Variants in COL4A1 observed in about 807,000 individuals in gnomAD.
COL4A1 encodes collagen type IV alpha 1 chain, also known as collagen alpha-1(IV) chain.
In COL4A1, 40 loss-of-function variants were observed where a neutral mutation model predicts 216.6. The observed-to-expected ratio is 0.18, with a 90% CI of 0.14 to 0.24. COL4A1 has a LOEUF of 0.24. Among genes scored for constraint, COL4A1 ranks in the 10% least tolerant of loss-of-function variants. The pLI is 1.00. For synonymous variants in COL4A1, 839 were observed against 810.7 expected, an observed-to-expected ratio of 1.03 and a Z score of -0.59; for missense variants, 1,628 against 2,196.8, an observed-to-expected ratio of 0.74 and a Z score of 5.18.
chr13:110,224,075 C>A (rs1239915173), intron 2 of COL4A1, among the ~76,000 whole-genome samples: 1 of 152,176 alleles, frequency 6.6e-6, no homozygotes, highest in African/African-American at 2.4e-5. Context: ...TAAATGAATG[C>A]TTCCAACTTG....
intron 2 of COL4A1, among the ~76,000 whole-genome samples, chr13:110,223,625 G>A (rs534703473): frequency 3.3e-5 from 5 of 152,226 alleles, no homozygotes; most frequent in South Asian, 2.1e-4. Context: ...AGCTATGGAC[G>A]GTGTGGATGG....
At position 110,210,038 on chromosome 13, in the gene COL4A1, G is replaced by C. The variant is rs1204668914; in HGVS notation, c.557C>G (p.Pro186Arg). The C allele has an allele frequency of 6.2e-7, 1 of 1,614,158 alleles. No homozygotes were observed. The highest frequency in any genetic ancestry group is 8.5e-7 in the Non-Finnish European group (1 of 1,180,034). The part of the protein sequence containing the change: ...GFPGIPGTPG[P>R]PGLPGLQGPV... ...ACCTTGAAGCCCTGGCAGTCCTGGT[G>C]GGCCCTAGAATGCATGAGAAAGAAA... Residue 186 changes from proline (P) to arginine (R), a missense_variant, in exon 10 of 52, where the codon CCA becomes CGA. Pro to Arg is a moderately radical substitution (Grantham distance 103, BLOSUM62 -2). Coordinates refer to ENST00000375820, the MANE Select transcript of COL4A1 (RefSeq NM_001845.6).
chr13:110,234,786 C>T (rs907819354), intron 2 of COL4A1, among the ~76,000 whole-genome samples: 2 of 152,068 alleles, frequency 1.3e-5, no homozygotes, highest in Non-Finnish European at 2.9e-5. Flanking sequence ...GTTTCCATCC[C>T]GGAGGAAACA....
At chr13:110,199,249 C>T (rs1330240313) in intron 20 of COL4A1, among the ~76,000 whole-genome samples, 1 of 152,228 alleles carries the variant, frequency 6.6e-6, no homozygotes, top group Non-Finnish European at 1.5e-5. Flanking sequence ...TCTGCTGCTT[C>T]TGTGAGGGAC....
At chr13:110,173,792 T>A in intron 40 of COL4A1, 108 bp downstream of exon 40, 1 of 1,278,456 alleles carries the variant, frequency 7.8e-7, no homozygotes, top group Non-Finnish European at 1.1e-6. Flanking sequence ...GGATGTGCAG[T>A]CTAGGGGCCA....
intron 2 of COL4A1, among the ~76,000 whole-genome samples, chr13:110,223,506 T>C (rs1425779450): frequency 6.6e-6 from 1 of 152,226 alleles, no homozygotes; most frequent in African/African-American, 2.4e-5. Context: ...CTAAACCTAC[T>C]ACCTAACATT....
intron 1 of COL4A1, among the ~76,000 whole-genome samples, chr13:110,269,638 TGTGTCCAGCACAG>T (rs1201405834): frequency 2.0e-5 from 3 of 152,068 alleles, no homozygotes; most frequent in Non-Finnish European, 4.4e-5. Flanking sequence ...GGTCTCCACG[TGTGTCCAGCACAG>T]GTGACATCTG....
chr13:110,209,941 T>A (rs528886135), intron 10 of COL4A1, 39 bp downstream of exon 10: 109 of 1,606,358 alleles, frequency 6.8e-5, no homozygotes, highest in Non-Finnish European at 9.0e-5. Flanking sequence ...TAGTTGTTTT[T>A]TAAATGATTG....
chr13:110,218,576 A>AC (rs1331277206), intron 2 of COL4A1, among the ~76,000 whole-genome samples: 1 of 152,250 alleles, frequency 6.6e-6, no homozygotes, highest in Non-Finnish European at 1.5e-5. Context: ...TGGGATGCTG[A>AC]ACTAGCCAAT....
intron 42 of COL4A1, among the ~76,000 whole-genome samples, chr13:110,170,045 G>A (rs1449117615): frequency 2.2e-5 from 3 of 137,542 alleles, no homozygotes; most frequent in Middle Eastern, 4.0e-3. Context: ...GGGAGGGAAG[G>A]AGGGAGGAAG....
intron 1 of COL4A1, among the ~76,000 whole-genome samples, chr13:110,244,789 C>G (rs1479126618): frequency 6.6e-6 from 1 of 152,128 alleles, no homozygotes; most frequent in Non-Finnish European, 1.5e-5. Context: ...TAGCATTGAG[C>G]CTGATGTGAG....
chr13:110,209,859 A>G (rs776640245), intron 10 of COL4A1, 121 bp downstream of exon 10: 3 of 1,215,662 alleles, frequency 2.5e-6, no homozygotes, highest in Non-Finnish European at 2.4e-6. Flanking sequence ...TGATTCCGCC[A>G]TGTCCAAATT....
In COL4A1 at chr13:110,227,497, G is replaced by C. The variant is rs537712935; in HGVS notation, c.145-13482C>G. 1.1e-4 allele frequency among the ~76,000 whole-genome samples: 16 copies of C among 152,020 alleles called. No individual in the cohort carries two copies. The South Asian group carries it at 2.9e-3, about 28-fold the overall frequency. On this transcript the variant is annotated intron_variant, in intron 2 of 51. Transcript: ENST00000375820. ...ACAGAGACAGAGAGACATAAAGAGAGAGAAGCTTCACTAAGAGGCAGGTTG... is the reference window on the plus strand; with the variant it reads ...ACAGAGACAGAGAGACATAAAGAGACAGAAGCTTCACTAAGAGGCAGGTTG...
At chr13:110,291,570 T>G (rs962309538) in intron 1 of COL4A1, among the ~76,000 whole-genome samples, 1 of 152,178 alleles carries the variant, frequency 6.6e-6, no homozygotes, top group Non-Finnish European at 1.5e-5. Flanking sequence ...GACTTGTCAG[T>G]TTCCTTATCA....
intron 1 of COL4A1, among the ~76,000 whole-genome samples, chr13:110,265,025 T>A (rs1349741085): frequency 2.0e-5 from 3 of 152,224 alleles, no homozygotes; most frequent in Admixed American, 6.5e-5. Flanking sequence ...CCACCTCGGC[T>A]CTGCAAGATG....
Position 110,254,214 on chromosome 13 carries a change from G to A in COL4A1, c.85-11480C>T, listed in dbSNP as rs146911818. ...GCCAACAGCTGCTGTCTATCCCTCT[G>A]TGGTCCAGGAAGTGCACTGCATATT... On this transcript the variant is annotated intron_variant, in intron 1 of 51. Coordinates refer to ENST00000375820, the MANE Select transcript of COL4A1 (RefSeq NM_001845.6). Among the ~76,000 whole-genome samples the A allele has an allele frequency of 8.1e-4, 123 of 152,268 alleles. 3 individuals are homozygous for A. The South Asian group carries it at 0.019, about 24-fold the overall frequency.
intron 28 of COL4A1, among the ~76,000 whole-genome samples, chr13:110,182,756 G>A (rs1198657640): frequency 6.6e-6 from 1 of 152,250 alleles, no homozygotes. Flanking sequence ...ATTGGTGGCA[G>A]TGCCCATGCA....
intron 26 of COL4A1, 89 bp downstream of exon 26, chr13:110,186,296 C>G: frequency 6.5e-7 from 1 of 1,528,614 alleles, no homozygotes; most frequent in Admixed American, 1.7e-5. Flanking sequence ...CTGGCCTATG[C>G]GAACCCCAGG....
chr13:110,187,983 G>C (rs1431417689), intron 24 of COL4A1, among the ~76,000 whole-genome samples: 1 of 152,208 alleles, frequency 6.6e-6, no homozygotes, highest in African/African-American at 2.4e-5. Context: ...GCTCTAAAAT[G>C]AGTTATGTTG....
Sources: allele counts gnomAD v4.1 joint callset (sites outside exome capture counted in the v4.1 genomes callset), GRCh38; gene constraint gnomAD v4.1.1; transcripts MANE v1.5; gene names NCBI Gene and HGNC (gene_info 2026-07-23, HGNC 2026-07-21).